The following MALT1 variants were observed in gnomAD, a reference collection of about 807,000 sequenced individuals.
MALT1 encodes MALT1 paracaspase, also known as mucosa-associated lymphoid tissue lymphoma translocation protein 1.
Under a neutral mutation model 85.5 loss-of-function variants are expected in MALT1, and 36 were observed. The ratio of observed to expected loss-of-function variants is 0.42; its 90% CI spans 0.32 to 0.56. The LOEUF (loss-of-function observed/expected upper bound fraction) is 0.56. Ranked by LOEUF, MALT1 falls within the 20% of genes least tolerant of loss-of-function variation. The pLI, the probability that MALT1 is intolerant of heterozygous loss-of-function variation, is 0.10. For missense variants in MALT1, 716 were observed against 981.6 expected, an observed-to-expected ratio of 0.73 and a Z score of 3.62; for synonymous variants, 359 against 361.3, an observed-to-expected ratio of 0.99 and a Z score of 0.07.
In MALT1 at chr18:58,752,826, T is replaced by A. The variant is rs1450690289; in HGVS notation, c.*4984T>A. ...AAAATAAAATATTAGTAAAGAAGAG[T>A]ACAATCAGAATATGAAAATGTGTAA... On this transcript the variant is annotated 3_prime_UTR_variant, in exon 17 of 17. Coordinates refer to ENST00000649217, the MANE Select transcript of MALT1 (RefSeq NM_006785.4). 6.6e-6 allele frequency: 1 copy of A among 151,946 alleles called. No homozygotes were observed. The highest frequency in any genetic ancestry group is 1.5e-5 in the Non-Finnish European group (1 of 67,988). The allele number at this position is 151,946 out of a possible 1,614,324, so 9.4% of individuals were successfully genotyped here. A position where few individuals can be genotyped will look rare whatever the true frequency, so the allele number is the denominator to read the frequency against.
chr18:58,710,873 T>G, intron 6 of MALT1, 48 bp from the exon 7 acceptor site: 1 of 1,374,928 alleles, frequency 7.3e-7, no homozygotes. Context: ...CTGCCCTTCT[T>G]AAGATCATGA....
intron 1 of MALT1, among the ~76,000 whole-genome samples, chr18:58,673,334 TG>T (rs1224943894): frequency 2.0e-5 from 3 of 152,250 alleles, no homozygotes; most frequent in African/African-American, 2.4e-5. Flanking sequence ...AATGCTGTGT[TG>T]GGTATGAATG....
At chr18:58,733,788 C>G (rs969120782) in intron 11 of MALT1, 1 of 813,370 alleles carries the variant, frequency 1.2e-6, no homozygotes, top group African/African-American at 1.7e-5. Flanking sequence ...AAATGAAGAA[C>G]TAAAGGGCAT....
chr18:58,717,159 T>C (rs2054913346), intron 9 of MALT1, among the ~76,000 whole-genome samples: 1 of 152,122 alleles, frequency 6.6e-6, no homozygotes, highest in Non-Finnish European at 1.5e-5. Flanking sequence ...GGTCAGAAGA[T>C]TGAGATCAGC....
In MALT1 at chr18:58,753,156, A is replaced by G. The variant is rs1170996425; in HGVS notation, c.*5314A>G. 1 of 152,196 alleles carries G rather than the reference A, an allele frequency of 6.6e-6. No individual in the cohort carries two copies. Among genetic ancestry groups the G allele is most frequent in the Non-Finnish European group, 1.5e-5 (1 of 68,040 alleles). 9.4% of individuals were successfully genotyped at this position (152,196 alleles called of 1,614,324 possible). On this transcript the variant is annotated 3_prime_UTR_variant, in exon 17 of 17. Transcript: ENST00000649217. ...CTTGTGCTTTAAATCTGGCATTCTT[A>G]AAGCTATACCTGTAGGCAGTATAGA... is the stretch of plus-strand genomic sequence containing the variant.
intron 2 of MALT1, chr18:58,691,181 C>T: frequency 3.4e-6 from 1 of 291,262 alleles, no homozygotes; most frequent in African/African-American, 2.3e-5. Flanking sequence ...CCCCTCTCCC[C>T]ACTACTGATC....
intron 13 of MALT1, among the ~76,000 whole-genome samples, chr18:58,739,358 G>A (rs979028224): frequency 5.9e-5 from 9 of 152,238 alleles, no homozygotes; most frequent in African/African-American, 1.7e-4. Flanking sequence ...AGTATCAGTG[G>A]CATACAGAGT....
At chr18:58,699,944 A>G (rs1277891871) in intron 3 of MALT1, among the ~76,000 whole-genome samples, 3 of 152,220 alleles carry the variant, frequency 2.0e-5, no homozygotes, top group African/African-American at 4.8e-5. Context: ...TAAGGAGTTT[A>G]TCCTCTTACA....
chr18:58,725,854 A>G (rs1316651331), intron 10 of MALT1, among the ~76,000 whole-genome samples: 1 of 152,184 alleles, frequency 6.6e-6, no homozygotes, highest in African/African-American at 2.4e-5. Context: ...TAAGGTCAGG[A>G]GTTCGAGACC....
intron 2 of MALT1, among the ~76,000 whole-genome samples, chr18:58,686,201 A>G (rs2054399874): frequency 2.0e-5 from 3 of 152,136 alleles, no homozygotes; most frequent in South Asian, 4.2e-4. Context: ...TAATTTTTAT[A>G]TTTTTAGTAG....
At chr18:58,710,447 G>A (rs978554185) in intron 6 of MALT1, among the ~76,000 whole-genome samples, 6 of 152,102 alleles carry the variant, frequency 3.9e-5, no homozygotes, top group African/African-American at 1.4e-4. Flanking sequence ...ACTTTTGGAG[G>A]CCAAAGGTTG....
chr18:58,747,324 G>T (rs1001791843), intron 16 of MALT1, 81 bp from the exon 17 acceptor site: 4 of 866,878 alleles, frequency 4.6e-6, no homozygotes, highest in African/African-American at 3.4e-5. Context: ...TGGGGGTGGG[G>T]GTGTGTATGT....
At chr18:58,700,945 A>G (rs564686618) in intron 4 of MALT1, among the ~76,000 whole-genome samples, 1 of 151,986 alleles carries the variant, frequency 6.6e-6, no homozygotes, top group South Asian at 2.1e-4. Context: ...GGCACATGCT[A>G]TCACACCTGG....
chr18:58,679,050 T>G lies in MALT1; in HGVS notation c.210-2120T>G, dbSNP rs111917681. ...TTTGGGAAAGTTTTTCTGTCGTTGA[T>G]TGCTCGGTTTTTTCTTGATTCTTTT... On this transcript the variant is annotated intron_variant, in intron 1 of 16. Transcript: ENST00000649217. Among the ~76,000 whole-genome samples the G allele has an allele frequency of 7.2e-3, 1,101 of 152,326 alleles. 15 individuals carry two copies. Among genetic ancestry groups the G allele is most frequent in the African/African-American group, 0.025 (1,048 of 41,554 alleles).
At chr18:58,737,494 A>G (rs1031998823) in intron 13 of MALT1, among the ~76,000 whole-genome samples, 4 of 150,492 alleles carry the variant, frequency 2.7e-5, no homozygotes, top group African/African-American at 9.9e-5. Context: ...AAAAAAAAAA[A>G]GAAAATTCCA....
At chr18:58,687,480 C>G (rs765551690) in intron 2 of MALT1, among the ~76,000 whole-genome samples, 1 of 152,156 alleles carries the variant, frequency 6.6e-6, no homozygotes, top group Non-Finnish European at 1.5e-5. Context: ...TGGTTATATA[C>G]TGGGGGAAAT....
intron 2 of MALT1, among the ~76,000 whole-genome samples, chr18:58,693,850 C>CA (rs2144345373): frequency 6.6e-6 from 1 of 152,088 alleles, no homozygotes; most frequent in East Asian, 1.9e-4. Flanking sequence ...CCAGGATAGC[C>CA]AAAACTCCTA....
chr18:58,684,620 A>G (rs2054372962), intron 2 of MALT1, among the ~76,000 whole-genome samples: 1 of 151,400 alleles, frequency 6.6e-6, no homozygotes, highest in African/African-American at 2.4e-5. Flanking sequence ...CTAATTTTGT[A>G]TTTTTAGTAG....
intron 15 of MALT1, among the ~76,000 whole-genome samples, chr18:58,745,342 C>A (rs969124779): frequency 1.3e-5 from 2 of 152,140 alleles, no homozygotes; most frequent in African/African-American, 4.8e-5. Flanking sequence ...AGGAGAGAAT[C>A]CAGGAGTCAA....
Sources: gnomAD v4.1 joint callset for allele counts (sites outside exome capture counted in the v4.1 genomes callset) on GRCh38, gnomAD v4.1.1 for gene constraint, MANE v1.5 for transcripts, NCBI Gene and HGNC (gene_info 2026-07-23, HGNC 2026-07-21) for gene names.